ASIC2: variants seen among roughly 807,000 people sequenced by gnomAD.
The protein encoded by ASIC2 is acid-sensing ion channel 2.
Under a neutral mutation model 57.3 loss-of-function variants are expected in ASIC2, and 25 were observed. That is an observed-to-expected ratio of 0.44 (90% CI 0.32 to 0.61). The LOEUF (loss-of-function observed/expected upper bound fraction) is 0.61, where lower values mean the gene tolerates loss of function less well. ASIC2 is among the 20% of genes least tolerant of loss of function. The pLI is 0.06. For missense variants in ASIC2, 641 were observed against 738.1 expected (o/e 0.87, Z 1.52); for synonymous variants, 319 against 307.5 (o/e 1.04, Z -0.39).
chr17:33,201,811 C>T (rs1027281582), intron 1 of ASIC2, among the ~76,000 whole-genome samples: 2 of 152,064 alleles, frequency 1.3e-5, no homozygotes, highest in Admixed American at 1.3e-4. Flanking sequence ...AGGCAGATCA[C>T]TTGAGCCCAG....
chr17:33,433,334 G>A (rs574068207), intron 1 of ASIC2, among the ~76,000 whole-genome samples: 13 of 152,342 alleles, frequency 8.5e-5, no homozygotes, highest in African/African-American at 3.1e-4. Context: ...TTACTTATAA[G>A]TGGGAGCTAA....
chr17:33,311,677 A>G (rs1906431329), intron 1 of ASIC2, among the ~76,000 whole-genome samples: 2 of 152,174 alleles, frequency 1.3e-5, no homozygotes, highest in South Asian at 4.1e-4. Flanking sequence ...CCCAAGGTGC[A>G]GGTAGGAGTG....
intron 1 of ASIC2, among the ~76,000 whole-genome samples, chr17:33,628,288 CT>C (rs1224783477): frequency 6.6e-6 from 1 of 151,482 alleles, no homozygotes; most frequent in East Asian, 1.9e-4. Flanking sequence ...ATCTACCTGT[CT>C]GGTCTTTTTT....
chr17:33,300,820 A>G (rs1905926111), intron 1 of ASIC2, among the ~76,000 whole-genome samples: 1 of 152,172 alleles, frequency 6.6e-6, no homozygotes, highest in Admixed American at 6.5e-5. Flanking sequence ...GCAAAAAGTC[A>G]TCTTAACGAG....
intron 1 of ASIC2, among the ~76,000 whole-genome samples, chr17:33,672,567 C>T (rs919776763): frequency 3.9e-5 from 6 of 152,070 alleles, no homozygotes; most frequent in Admixed American, 6.6e-5. Flanking sequence ...TGGGCATGGT[C>T]GGATTTCACT....
intron 1 of ASIC2, among the ~76,000 whole-genome samples, chr17:33,524,710 A>C (rs887429496): frequency 6.6e-6 from 1 of 152,070 alleles, no homozygotes; most frequent in African/African-American, 2.4e-5. Context: ...CTCCACCTCC[A>C]TCCACTCACC....
At chr17:34,028,801 C>A (rs1230109151) in intron 1 of ASIC2, among the ~76,000 whole-genome samples, 1 of 152,162 alleles carries the variant, frequency 6.6e-6, no homozygotes, top group Non-Finnish European at 1.5e-5. Context: ...GCCCTGGCCT[C>A]ATCAAATGCA....
intron 1 of ASIC2, among the ~76,000 whole-genome samples, chr17:33,491,424 C>T (rs910922961): frequency 1.3e-5 from 2 of 152,206 alleles, no homozygotes; most frequent in Admixed American, 6.5e-5. Flanking sequence ...CAGTTTCTGG[C>T]TCCTCGAAAA....
chr17:33,761,113 C>T (rs1321480579), intron 1 of ASIC2, among the ~76,000 whole-genome samples: 2 of 152,176 alleles, frequency 1.3e-5, no homozygotes, highest in East Asian at 3.8e-4. Context: ...CAGCTCATGA[C>T]ACTTTAGCTT....
chr17:33,832,993 A>C (rs1314372237), intron 1 of ASIC2, among the ~76,000 whole-genome samples: 2 of 152,226 alleles, frequency 1.3e-5, no homozygotes, highest in Non-Finnish European at 2.9e-5. Flanking sequence ...AATTAACAAG[A>C]TATATGTGTA....
chr17:33,028,708 C>T (rs1373108084), intron 3 of ASIC2, among the ~76,000 whole-genome samples: 1 of 152,108 alleles, frequency 6.6e-6, no homozygotes, highest in Non-Finnish European at 1.5e-5. Context: ...TTATAATCTT[C>T]CCATAAATGC....
chr17:33,017,269 C>T (rs1326792071), intron 8 of ASIC2, among the ~76,000 whole-genome samples: 2 of 152,202 alleles, frequency 1.3e-5, no homozygotes, highest in Admixed American at 1.3e-4. Flanking sequence ...ACCTCCAGCC[C>T]AGCTGCAGGA....
intron 1 of ASIC2, among the ~76,000 whole-genome samples, chr17:33,678,872 GAC>G: frequency 6.6e-6 from 1 of 152,254 alleles, no homozygotes; most frequent in Middle Eastern, 3.4e-3. Flanking sequence ...CACCCTGGGA[GAC>G]AAATGGAGCA....
At chr17:33,087,407 T>G (rs2092138445) in intron 3 of ASIC2, among the ~76,000 whole-genome samples, 1 of 152,150 alleles carries the variant, frequency 6.6e-6, no homozygotes, top group Non-Finnish European at 1.5e-5. Context: ...CTCCTGCTCC[T>G]GCATCAAAGC....
At chr17:33,823,338 T>G (rs1403290954) in intron 1 of ASIC2, among the ~76,000 whole-genome samples, 1 of 152,178 alleles carries the variant, frequency 6.6e-6, no homozygotes, top group Non-Finnish European at 1.5e-5. Context: ...AGAAAAATAA[T>G]CATGGAAATT....
intron 1 of ASIC2, among the ~76,000 whole-genome samples, chr17:33,892,343 G>T (rs1450982069): frequency 6.6e-6 from 1 of 152,150 alleles, no homozygotes; most frequent in Non-Finnish European, 1.5e-5. Context: ...GTGAGAAGGA[G>T]ACAGACACTT....
At chr17:33,708,620 C>G (rs1908932266) in intron 1 of ASIC2, among the ~76,000 whole-genome samples, 2 of 152,098 alleles carry the variant, frequency 1.3e-5, no homozygotes, top group African/African-American at 4.8e-5. Flanking sequence ...TGGCTACTAC[C>G]TCTGTTCTCT....
chr17:34,024,824 C>T (rs1907314890), intron 1 of ASIC2, among the ~76,000 whole-genome samples: 1 of 152,234 alleles, frequency 6.6e-6, no homozygotes, highest in African/African-American at 2.4e-5. Flanking sequence ...CTGGATAGGA[C>T]AGGGTTTACT....
chr17:33,200,646 A>G (rs1363699237), intron 1 of ASIC2, among the ~76,000 whole-genome samples: 1 of 152,234 alleles, frequency 6.6e-6, no homozygotes, highest in African/African-American at 2.4e-5. Flanking sequence ...AAACAGATTC[A>G]GAATATGGCC....
Sources: allele counts gnomAD v4.1 joint callset (sites outside exome capture counted in the v4.1 genomes callset), GRCh38; gene constraint gnomAD v4.1.1; transcripts MANE v1.5; gene names NCBI Gene and HGNC (gene_info 2026-07-23, HGNC 2026-07-21).